The following TFCP2L1 variants were observed in gnomAD, a reference collection of about 807,000 sequenced individuals.
TFCP2L1 encodes the protein transcription factor CP2-like protein 1.
TFCP2L1 carries 12 observed loss-of-function variants against 72.2 expected under a neutral mutation model. The ratio of observed to expected loss-of-function variants is 0.17; its 90% CI spans 0.11 to 0.27. The LOEUF (loss-of-function observed/expected upper bound fraction) is 0.27, where lower values mean the gene tolerates loss of function less well. TFCP2L1 is among the 10% of genes least tolerant of loss of function. TFCP2L1 has a pLI of 1.00. For missense variants in TFCP2L1, 488 were observed against 624.6 expected (o/e 0.78, Z 2.33); for synonymous variants, 260 against 251.0 (o/e 1.04, Z -0.34).
intron 2 of TFCP2L1, among the ~76,000 whole-genome samples, chr2:121,275,562 G>T (rs968616020): frequency 6.8e-6 from 1 of 147,202 alleles, no homozygotes; most frequent in Admixed American, 6.8e-5. Flanking sequence ...AAGTATAGAA[G>T]TAAGTCTTTT....
chr2:121,258,986 A>G (rs1350098710), intron 2 of TFCP2L1, among the ~76,000 whole-genome samples: 1 of 152,082 alleles, frequency 6.6e-6, no homozygotes, highest in African/African-American at 2.4e-5. Context: ...GGTGGCTCAC[A>G]CCTATAATCC....
intron 2 of TFCP2L1, among the ~76,000 whole-genome samples, chr2:121,275,263 AGTCGCGGCG>A (rs1558746454): frequency 1.5e-3 from 11 of 7,434 alleles, no homozygotes; most frequent in African/African-American, 0.013. Context: ...GGGCGCCTGT[AGTCGCGGCG>A]CCTGTAGTCC....
intron 2 of TFCP2L1, among the ~76,000 whole-genome samples, chr2:121,275,635 A>G (rs987316788): frequency 8.7e-5 from 13 of 149,742 alleles, no homozygotes; most frequent in Non-Finnish European, 3.0e-5. Flanking sequence ...CAGTGGCTCA[A>G]TCTTGGCTCA....
At chr2:121,275,324 A>G (rs1279127615) in intron 2 of TFCP2L1, among the ~76,000 whole-genome samples, 2 of 143,178 alleles carry the variant, frequency 1.4e-5, no homozygotes, top group Admixed American at 1.5e-4. Context: ...GCGTGAACCC[A>G]GGAGGCGAAG....
chr2:121,235,202 C>A lies in TFCP2L1; in HGVS notation c.1094+19G>T. On this transcript the variant is annotated intron_variant, in intron 11 of 14. Coordinates refer to ENST00000263707, the MANE Select transcript of TFCP2L1 (RefSeq NM_014553.3). ...GGACATGAGCCTCTGGCTGGCTTCA[C>A]AGAGAAACCAACACCTACCGGCCTT... is the stretch of plus-strand genomic sequence containing the variant. 6.2e-7 allele frequency: 1 copy of A among 1,614,106 alleles called. No homozygotes were observed.
intron 2 of TFCP2L1, among the ~76,000 whole-genome samples, chr2:121,260,833 T>C (rs1421208848): frequency 2.6e-5 from 4 of 152,234 alleles, no homozygotes; most frequent in African/African-American, 9.6e-5. Flanking sequence ...GCCTCCTGCC[T>C]GGATCACAGT....
chr2:121,232,071 C>T (rs755633472), intron 12 of TFCP2L1, 103 bp from the exon 13 acceptor site: 24 of 1,334,048 alleles, frequency 1.8e-5, no homozygotes, highest in Non-Finnish European at 2.4e-5. Context: ...CAAAATGCCA[C>T]ACCCAGGGCG....
Position 121,248,963 on chromosome 2 carries a change from T to G in TFCP2L1, c.397+19A>C. The G allele has an allele frequency of 1.3e-6, 2 of 1,558,262 alleles. No homozygotes were observed. The highest frequency in any genetic ancestry group is 1.7e-6 in the Non-Finnish European group (2 of 1,151,802). ...GGTGCCTCGAGCCTTGCCTGGCCTC[T>G]CCTGGCCAGGAGACTCACCGATGTC... On this transcript the variant is annotated intron_variant, in intron 4 of 14. Transcript: ENST00000263707.
rs1289516363 is a variant in TFCP2L1 at position 121,232,623 on chromosome 2, C to T, written c.1199-655G>A. Among the ~76,000 whole-genome samples the T allele has an allele frequency of 2.6e-5, 4 of 152,302 alleles. No individual in the cohort carries two copies. The South Asian group carries it at 8.3e-4, about 32-fold the overall frequency. ...CAACAAATTCTGTCCCTTTTCAGCT[C>T]TTTTTGCTGTTTAAAGGGTTCTTGG... is the stretch of plus-strand genomic sequence containing the variant. On this transcript the variant is annotated intron_variant, in intron 12 of 14. Coordinates refer to ENST00000263707, the MANE Select transcript of TFCP2L1 (RefSeq NM_014553.3).
In TFCP2L1 at chr2:121,248,091, G is replaced by A. The variant is rs11884459; in HGVS notation, c.504+73C>T. The A allele has an allele frequency of 3.9e-3, 5,367 of 1,367,066 alleles. 174 individuals carry two copies. In the African/African-American group the frequency reaches 0.069, roughly 18 times the overall value. 84.7% of individuals were successfully genotyped at this position (1,367,066 alleles called of 1,614,324 possible). On this transcript the variant is annotated intron_variant, in intron 5 of 14. Coordinates refer to ENST00000263707, the MANE Select transcript of TFCP2L1 (RefSeq NM_014553.3). ...CATCCAGACCCTCCCAGATGGGTTAGTTTTGAGAAACTGCACGCAGGCCAC... is the reference window on the plus strand; with the variant it reads ...CATCCAGACCCTCCCAGATGGGTTAATTTTGAGAAACTGCACGCAGGCCAC...
intron 2 of TFCP2L1, among the ~76,000 whole-genome samples, chr2:121,257,777 C>T (rs144677906): frequency 6.6e-6 from 1 of 152,330 alleles, no homozygotes; most frequent in East Asian, 1.9e-4. Context: ...CATTCAAACA[C>T]TGAACTTGGA....
chr2:121,285,160 G>T lies in TFCP2L1; in HGVS notation c.-51C>A. 2.1e-6 allele frequency: 3 copies of T among 1,410,480 alleles called. No homozygotes were observed. Among genetic ancestry groups the T allele is most frequent in the Non-Finnish European group, 2.8e-6 (3 of 1,077,824 alleles). The allele number at this position is 1,410,480 out of a possible 1,614,324, so 87.4% of individuals were successfully genotyped here. A position where few individuals can be genotyped will look rare whatever the true frequency, so the allele number is the denominator to read the frequency against. On this transcript the variant is annotated 5_prime_UTR_variant, in exon 1 of 15. Coordinates refer to ENST00000263707, the MANE Select transcript of TFCP2L1 (RefSeq NM_014553.3). ...GGGGCGCGGCAGCAAGCGCAGACGCGGGGCGCGCCGAGGACCCAGCGGCGG... is the reference window on the plus strand; with the variant it reads ...GGGGCGCGGCAGCAAGCGCAGACGCTGGGCGCGCCGAGGACCCAGCGGCGG...
At chr2:121,256,036 C>T (rs1047179935) in intron 2 of TFCP2L1, among the ~76,000 whole-genome samples, 2 of 152,110 alleles carry the variant, frequency 1.3e-5, no homozygotes, top group African/African-American at 2.4e-5. Flanking sequence ...CCACCGTGCC[C>T]GGCCCCCCTG....
intron 2 of TFCP2L1, among the ~76,000 whole-genome samples, chr2:121,269,434 G>A (rs1302267954): frequency 6.7e-6 from 1 of 149,396 alleles, no homozygotes; most frequent in Non-Finnish European, 1.5e-5. Flanking sequence ...GGTGACAGAG[G>A]TGAGACCCTG....
chr2:121,249,172 T>C, intron 3 of TFCP2L1, 85 bp from the exon 4 acceptor site: 1 of 1,102,626 alleles, frequency 9.1e-7, no homozygotes, highest in Non-Finnish European at 1.3e-6. Context: ...CAGTAAACCC[T>C]CCCACCTTTG....
chr2:121,264,413 G>A (rs1027376913), intron 2 of TFCP2L1, among the ~76,000 whole-genome samples: 1 of 152,182 alleles, frequency 6.6e-6, no homozygotes, highest in African/African-American at 2.4e-5. Context: ...GGGAAGGCGG[G>A]GACAGCCAGG....
At chr2:121,269,985 G>A (rs904205353) in intron 2 of TFCP2L1, among the ~76,000 whole-genome samples, 8 of 150,832 alleles carry the variant, frequency 5.3e-5, no homozygotes, top group Admixed American at 2.0e-4. Flanking sequence ...ATGAAAAAGT[G>A]GGAAAATATT....
At position 121,222,513 on chromosome 2, in the gene TFCP2L1, T is replaced by G. The variant is rs1294018412; in HGVS notation, c.*1828A>C. ...GATACATCCTCAACTTGGACGGCCCTAGAAAACATTCAGTGGAAGAAGCCA... is the reference window on the plus strand; with the variant it reads ...GATACATCCTCAACTTGGACGGCCCGAGAAAACATTCAGTGGAAGAAGCCA... On this transcript the variant is annotated 3_prime_UTR_variant, in exon 15 of 15. Transcript: ENST00000263707. 2 of 152,176 alleles carry G rather than the reference T, an allele frequency of 1.3e-5. No homozygotes were observed. Among genetic ancestry groups the G allele is most frequent in the African/African-American group, 2.4e-5 (1 of 41,430 alleles). The allele number at this position is 152,176 out of a possible 1,614,324, so 9.4% of individuals were successfully genotyped here.
In TFCP2L1 at chr2:121,218,266, T is replaced by C. The variant is rs533091588; in HGVS notation, c.*6075A>G. 1 of 152,312 alleles carries C rather than the reference T, an allele frequency of 6.6e-6. No homozygotes were observed. The highest frequency in any genetic ancestry group is 2.1e-4 in the South Asian group (1 of 4,830). The allele number at this position is 152,312 out of a possible 1,614,324, so 9.4% of individuals were successfully genotyped here. A position where few individuals can be genotyped will look rare whatever the true frequency, so the allele number is the denominator to read the frequency against. ...ACAATAATTGAGTACATATTTTTGG[T>C]AAATACATGTCTACTAAAAATAAGA... On this transcript the variant is annotated 3_prime_UTR_variant, in exon 15 of 15. Coordinates refer to ENST00000263707, the MANE Select transcript of TFCP2L1 (RefSeq NM_014553.3).
Sources: allele counts gnomAD v4.1 joint callset (sites outside exome capture counted in the v4.1 genomes callset), GRCh38; gene constraint gnomAD v4.1.1; transcripts MANE v1.5; gene names NCBI Gene and HGNC (gene_info 2026-07-23, HGNC 2026-07-21).